C12orf42: variants seen among roughly 807,000 people sequenced by gnomAD.
The protein encoded by C12orf42 is uncharacterized protein C12orf42.
In C12orf42, 25 loss-of-function variants were observed where a neutral mutation model predicts 21.6. The ratio of observed to expected loss-of-function variants is 1.16; its 90% CI spans 0.84 to 1.62. The LOEUF (loss-of-function observed/expected upper bound fraction) is 1.62. Ranked by LOEUF, C12orf42 falls within the 40% of genes most tolerant of loss-of-function variation. C12orf42 has a pLI of 0.00. For missense variants in C12orf42, 483 were observed against 459.3 expected, an observed-to-expected ratio of 1.05 and a Z score of -0.47; for synonymous variants, 174 against 175.0, an observed-to-expected ratio of 0.99 and a Z score of 0.05.
At chr12:103,266,539 A>G (rs1222495802), downstream of C12orf42, among the ~76,000 whole-genome samples, 1 of 152,174 alleles carries the variant, frequency 6.6e-6, no homozygotes, top group African/African-American at 2.4e-5. Context: ...AATAGAAAAA[A>G]GCAAAGAAAA....
At chr12:103,218,106 C>A in the C12orf42 span, among the ~76,000 whole-genome samples, 1 of 152,010 alleles carries the variant, frequency 6.6e-6, no homozygotes, top group Non-Finnish European at 1.5e-5. Context: ...CATGGCAAAA[C>A]CCGTCTCTAC....
At chr12:103,055,725 C>T in the C12orf42 span, among the ~76,000 whole-genome samples, 1 of 151,954 alleles carries the variant, frequency 6.6e-6, no homozygotes, top group Non-Finnish European at 1.5e-5. Flanking sequence ...AGCTGTGTCT[C>T]ACAAATTTTG....
chr12:103,177,509 G>T, the C12orf42 span, among the ~76,000 whole-genome samples: 3 of 152,124 alleles, frequency 2.0e-5, no homozygotes, highest in Non-Finnish European at 4.4e-5. Flanking sequence ...ATAATTTTTT[G>T]AGACAAAGCT....
chr12:103,419,536 A>G (rs1030593914), intron 2 of C12orf42, among the ~76,000 whole-genome samples: 2 of 151,988 alleles, frequency 1.3e-5, no homozygotes, highest in African/African-American at 4.8e-5. Flanking sequence ...AGTCTAACCC[A>G]CCATGGATCA....
intron 4 of C12orf42, among the ~76,000 whole-genome samples, chr12:103,290,260 G>A (rs899257335): frequency 1.3e-5 from 2 of 152,122 alleles, no homozygotes; most frequent in African/African-American, 4.8e-5. Flanking sequence ...GAGAGAAAAG[G>A]GAAACTTTAG....
intron 4 of C12orf42, among the ~76,000 whole-genome samples, chr12:103,350,460 A>G (rs2043013140): frequency 6.6e-6 from 1 of 152,148 alleles, no homozygotes; most frequent in Non-Finnish European, 1.5e-5. Context: ...TGGCACCAAC[A>G]CACAAGAGTA....
intron 2 of C12orf42, among the ~76,000 whole-genome samples, chr12:103,436,486 T>C (rs2139447819): frequency 6.6e-6 from 1 of 151,964 alleles, no homozygotes; most frequent in Non-Finnish European, 1.5e-5. Context: ...GACCCATCAA[T>C]GTGCTGTATT....
chr12:103,562,388 CA>C, the C12orf42 span, among the ~76,000 whole-genome samples: 1 of 152,196 alleles, frequency 6.6e-6, no homozygotes, highest in Admixed American at 6.5e-5. Context: ...TGTGTTAGCA[CA>C]TCCCCTGCTC....
the C12orf42 span, among the ~76,000 whole-genome samples, chr12:103,521,216 G>C: frequency 7.2e-5 from 11 of 152,292 alleles, no homozygotes; most frequent in East Asian, 2.1e-3. Context: ...GAGTGGAATA[G>C]TCATAGCCTA....
chr12:103,182,465 G>A, the C12orf42 span, among the ~76,000 whole-genome samples: 3 of 152,154 alleles, frequency 2.0e-5, no homozygotes, highest in East Asian at 5.8e-4. Context: ...GAATGGTAAG[G>A]TCAAGAGAAC....
At chr12:103,515,107 A>G in the C12orf42 span, among the ~76,000 whole-genome samples, 1 of 152,294 alleles carries the variant, frequency 6.6e-6, no homozygotes, top group Non-Finnish European at 1.5e-5. Flanking sequence ...CCAACTATCA[A>G]TAGTGTTGAG....
chr12:103,499,711 G>A (rs531285507), upstream of C12orf42, among the ~76,000 whole-genome samples: 1 of 152,284 alleles, frequency 6.6e-6, no homozygotes, highest in South Asian at 2.1e-4. Flanking sequence ...ATAGAAGCAG[G>A]GATATGCCCC....
intron 4 of C12orf42, among the ~76,000 whole-genome samples, chr12:103,287,796 CAGAGAGAGAA>C (rs2036568135): frequency 6.6e-6 from 1 of 151,268 alleles, no homozygotes; most frequent in Non-Finnish European, 1.5e-5. Context: ...AACACACACA[CAGAGAGAGAA>C]AGAGAGAGAG....
the C12orf42 span, among the ~76,000 whole-genome samples, chr12:103,078,052 A>C: frequency 1.6e-4 from 25 of 152,218 alleles, no homozygotes; most frequent in African/African-American, 6.0e-4. Context: ...AATCTGCTTT[A>C]GCTCTGTCAC....
chr12:103,309,119 T>C (rs1373055979), intron 4 of C12orf42, among the ~76,000 whole-genome samples: 2 of 152,208 alleles, frequency 1.3e-5, no homozygotes, highest in South Asian at 2.1e-4. Context: ...TACTTTCTTA[T>C]AGCAGCCCTA....
intron 2 of C12orf42, among the ~76,000 whole-genome samples, chr12:103,430,939 A>T (rs2139328706): frequency 6.6e-6 from 1 of 152,286 alleles, no homozygotes; most frequent in Non-Finnish European, 1.5e-5. Context: ...CAGGGAGGGG[A>T]ATATCACAAA....
rs374012651 is a variant in C12orf42, at chr12:103,358,611, CA to C, written c.259+10275del. On this transcript the variant is annotated intron_variant, in intron 4 of 5. Coordinates refer to ENST00000548883, the MANE Select transcript of C12orf42 (RefSeq NM_198521.5). The stretch of plus-strand genomic sequence containing the variant: ...CACCATCACCCATATTGTTTCAAAC[CA>C]AAAAAAAAAACAAAAAAACTCAAGA... Among the ~76,000 whole-genome samples, 540 of 136,702 alleles carry C rather than the reference CA, an allele frequency of 4.0e-3. 2 individuals carry two copies. Among genetic ancestry groups the C allele is most frequent in the African/African-American group, 0.013 (471 of 37,544 alleles). 89.7% of individuals were successfully genotyped at this position (136,702 alleles called of 152,430 possible).
the C12orf42 span, among the ~76,000 whole-genome samples, chr12:103,169,154 T>C: frequency 7.3e-6 from 1 of 136,894 alleles, no homozygotes; most frequent in African/African-American, 2.8e-5. Context: ...GAACTTAAAG[T>C]ATAATATAAA....
chr12:103,334,019 T>C (rs1452144818), intron 4 of C12orf42, among the ~76,000 whole-genome samples: 3 of 152,232 alleles, frequency 2.0e-5, no homozygotes, highest in Non-Finnish European at 4.4e-5. Flanking sequence ...GTGTGAACAA[T>C]TTTAGCTTAA....
Sources: gnomAD v4.1 joint callset for allele counts (sites outside exome capture counted in the v4.1 genomes callset) on GRCh38, gnomAD v4.1.1 for gene constraint, MANE v1.5 for transcripts, NCBI Gene and HGNC (gene_info 2026-07-23, HGNC 2026-07-21) for gene names.